BFSP1: variants seen among roughly 807,000 people sequenced by gnomAD.
The protein encoded by BFSP1 is filensin.
Under a neutral mutation model 43.9 loss-of-function variants are expected in BFSP1, and 38 were observed. The observed-to-expected ratio is 0.87, with a 90% CI of 0.67 to 1.14. The LOEUF (loss-of-function observed/expected upper bound fraction) is 1.14. Ranked by LOEUF, BFSP1 falls within the 50% of genes most tolerant of loss-of-function variation. The probability of loss-of-function intolerance (pLI) is 0.00; values close to 1 mark genes in which losing one functional copy is unlikely to be tolerated. For missense variants in BFSP1, 850 were observed against 875.1 expected (o/e 0.97, Z 0.36); for synonymous variants, 352 against 354.8 (o/e 0.99, Z 0.09).
At chr20:17,543,115 G>A (rs999399303) in intron 1 of BFSP1, among the ~76,000 whole-genome samples, 3 of 152,132 alleles carry the variant, frequency 2.0e-5, no homozygotes, top group African/African-American at 7.2e-5. Context: ...CTCCTCTACT[G>A]AAACAAAAAT....
chr20:17,519,184 C>T (rs2034266886), intron 2 of BFSP1, among the ~76,000 whole-genome samples: 1 of 152,212 alleles, frequency 6.6e-6, no homozygotes, highest in African/African-American at 2.4e-5. Flanking sequence ...AACAGGGCTT[C>T]AAGGACCCTT....
At chr20:17,503,201 A>AT (rs59472927) in intron 5 of BFSP1, among the ~76,000 whole-genome samples, 5,609 of 151,608 alleles carry the variant, frequency 0.037, 356 homozygotes, top group African/African-American at 0.13. Context: ...TTAAAAAAAA[A>AT]TTTTTTTTTG....
intron 4 of BFSP1, among the ~76,000 whole-genome samples, chr20:17,510,446 T>A (rs773155441): frequency 6.6e-6 from 1 of 152,198 alleles, no homozygotes; most frequent in Non-Finnish European, 1.5e-5. Context: ...CAGGAAAAGT[T>A]TTTTTAGGCC....
intron 1 of BFSP1, among the ~76,000 whole-genome samples, chr20:17,540,029 A>C (rs539289322): frequency 1.2e-4 from 19 of 152,204 alleles, no homozygotes; most frequent in Non-Finnish European, 1.3e-4. Flanking sequence ...TATACTATAC[A>C]TTTTAAGCCC....
At chr20:17,526,322 T>C (rs546891138) in intron 1 of BFSP1, among the ~76,000 whole-genome samples, 8 of 152,116 alleles carry the variant, frequency 5.3e-5, no homozygotes, top group African/African-American at 1.9e-4. Context: ...AAATACTAAC[T>C]CCCCATTCTC....
At chr20:17,546,719 A>T (rs1474730960) in intron 1 of BFSP1, among the ~76,000 whole-genome samples, 1 of 151,612 alleles carries the variant, frequency 6.6e-6, no homozygotes, top group Non-Finnish European at 1.5e-5. Context: ...CAAAAAAAAC[A>T]AAGAAGAAAG....
At chr20:17,506,671 C>G (rs1002142292) in intron 5 of BFSP1, among the ~76,000 whole-genome samples, 1 of 151,696 alleles carries the variant, frequency 6.6e-6, no homozygotes, top group Non-Finnish European at 1.5e-5. Context: ...ACCACAGGCA[C>G]GCACCACCAC....
intron 2 of BFSP1, among the ~76,000 whole-genome samples, chr20:17,520,220 C>CCCCCCCCCCCCCCT (rs2034293018): frequency 1.3e-5 from 2 of 148,570 alleles, no homozygotes; most frequent in African/African-American, 2.5e-5. Context: ...GCCCCCCCAC[C>CCCCCCCCCCCCCCT]CCGCCCACCT....
chr20:17,509,925 T>C (rs780832944), intron 4 of BFSP1, among the ~76,000 whole-genome samples: 5 of 152,218 alleles, frequency 3.3e-5, no homozygotes, highest in Non-Finnish European at 5.9e-5. Context: ...ACAGAGCACA[T>C]TGACTCGAAG....
intron 1 of BFSP1, among the ~76,000 whole-genome samples, chr20:17,566,673 GAGACAC>G (rs1309976986): frequency 6.6e-6 from 1 of 151,184 alleles, no homozygotes; most frequent in Non-Finnish European, 1.5e-5. Flanking sequence ...CTTTTTTTTT[GAGACAC>G]AGTCTCGCTC....
chr20:17,504,014 G>A (rs1386148314), intron 5 of BFSP1, among the ~76,000 whole-genome samples: 1 of 152,186 alleles, frequency 6.6e-6, no homozygotes, highest in Non-Finnish European at 1.5e-5. Flanking sequence ...AGTGGTGATT[G>A]TTGTTTTTGT....
intron 1 of BFSP1, among the ~76,000 whole-genome samples, chr20:17,548,604 G>A (rs1025359844): frequency 1.3e-5 from 2 of 152,184 alleles, no homozygotes; most frequent in Non-Finnish European, 2.9e-5. Flanking sequence ...TACAGAGACT[G>A]CATAGACCGA....
chr20:17,515,367 T>C (rs1417353725), intron 2 of BFSP1, among the ~76,000 whole-genome samples: 1 of 152,218 alleles, frequency 6.6e-6, no homozygotes, highest in Non-Finnish European at 1.5e-5. Flanking sequence ...AAGAAAAAAA[T>C]TGTTTTCCCT....
At chr20:17,536,320 G>T (rs2123550103), upstream of BFSP1, among the ~76,000 whole-genome samples, 1 of 152,260 alleles carries the variant, frequency 6.6e-6, no homozygotes, top group East Asian at 1.9e-4. Flanking sequence ...GGAGGCCAAG[G>T]CGGGTGGACT....
rs539167972 is a variant in BFSP1, at chr20:17,567,953, G to GA, written n.50+1217dup. ...AGGAGTTGTAAGGGGTACGGGGCAC[G>GA]AAAAAAAAAAAAAGAAGGAACTACT... On this transcript the variant is annotated intron_variant and non_coding_transcript_variant, in intron 1 of 6. Coordinates refer to the BFSP1 transcript ENST00000473415. 2.3e-3 allele frequency among the ~76,000 whole-genome samples: 317 copies of GA among 135,952 alleles called. 3 individuals are homozygous for GA. The East Asian group carries it at 0.038, about 16-fold the overall frequency. 89.2% of individuals were successfully genotyped at this position (135,952 alleles called of 152,430 possible). A position where few individuals can be genotyped will look rare whatever the true frequency, so the allele number is the denominator to read the frequency against.
intron 1 of BFSP1, among the ~76,000 whole-genome samples, chr20:17,554,044 TAAA>T (rs1278852576): frequency 4.6e-5 from 7 of 151,144 alleles, no homozygotes; most frequent in Non-Finnish European, 1.0e-4. Flanking sequence ...CCCCCAAATT[TAAA>T]ATCTACATAA....
chr20:17,533,010 A>G (rs1032515561), upstream of BFSP1, among the ~76,000 whole-genome samples: 3 of 152,098 alleles, frequency 2.0e-5, no homozygotes, highest in Non-Finnish European at 4.4e-5. Context: ...GCAAGGCCCT[A>G]AACTGTGCTG....
chr20:17,539,608 C>CA (rs1332102168), intron 1 of BFSP1, among the ~76,000 whole-genome samples: 2 of 151,464 alleles, frequency 1.3e-5, no homozygotes, highest in Non-Finnish European at 2.9e-5. Context: ...AATAATAATA[C>CA]AAAAAATTAG....
chr20:17,567,328 C>T lies in BFSP1; in HGVS notation n.50+1843G>A, dbSNP rs145419783. ...CACCTACTATGTATCAGGGGCTATG[C>T]CAGTTCATACATACGCATCTTAAAT... On this transcript the variant is annotated intron_variant and non_coding_transcript_variant, in intron 1 of 6. Transcript: ENST00000473415. 2.2e-3 allele frequency among the ~76,000 whole-genome samples: 338 copies of T among 152,262 alleles called. 4 individuals carry two copies. The highest frequency in any genetic ancestry group is 7.6e-3 in the African/African-American group (317 of 41,538).
Sources: allele counts gnomAD v4.1 joint callset (sites outside exome capture counted in the v4.1 genomes callset), GRCh38; gene constraint gnomAD v4.1.1; transcripts MANE v1.5; gene names NCBI Gene and HGNC (gene_info 2026-07-23, HGNC 2026-07-21).